Variants in RERGL observed in about 807,000 individuals in gnomAD.
The protein encoded by RERGL is ras-related and estrogen-regulated growth inhibitor-like protein.
Under a neutral mutation model 24.7 loss-of-function variants are expected in RERGL, and 22 were observed. The observed-to-expected ratio is 0.89, with a 90% CI of 0.64 to 1.27. The LOEUF (loss-of-function observed/expected upper bound fraction) is 1.27. RERGL is among the 50% of genes most tolerant of loss of function. The pLI is 0.00. For missense variants in RERGL, 259 were observed against 235.3 expected (o/e 1.10, Z -0.66); for synonymous variants, 76 against 82.6 (o/e 0.92, Z 0.43).
chr12:18,089,198 T>C (rs1219737890), intron 1 of RERGL: 3 of 1,582,604 alleles, frequency 1.9e-6, no homozygotes, highest in Admixed American at 3.5e-5. Flanking sequence ...ATGCAGTTAA[T>C]TCATTACCAC....
At chr12:18,086,075 G>A (rs1416927331) in intron 2 of RERGL, among the ~76,000 whole-genome samples, 5 of 140,102 alleles carry the variant, frequency 3.6e-5, no homozygotes, top group East Asian at 2.0e-4. Context: ...GGGTTTCACC[G>A]TGTTAGCCAG....
At chr12:18,089,017 A>T in intron 1 of RERGL, 61 bp from the exon 2 acceptor site, 1 of 1,387,288 alleles carries the variant, frequency 7.2e-7, no homozygotes, top group East Asian at 2.3e-5. Context: ...TAATTTGGTT[A>T]TGTGCATAAG....
At chr12:18,085,848 C>A (rs199682646) in intron 2 of RERGL, among the ~76,000 whole-genome samples, 155 bp from the exon 3 acceptor site, 1 of 118,606 alleles carries the variant, frequency 8.4e-6, no homozygotes, top group Non-Finnish European at 1.7e-5. Flanking sequence ...AGATATGTTT[C>A]TTTTTTTTTT....
intron 1 of RERGL, chr12:18,089,201 A>G: frequency 2.5e-6 from 4 of 1,588,232 alleles, no homozygotes; most frequent in Non-Finnish European, 3.4e-6. Flanking sequence ...CAGTTAATTC[A>G]TTACCACAAA....
intron 3 of RERGL, 110 bp from the exon 4 acceptor site, chr12:18,084,775 G>T: frequency 4.1e-6 from 3 of 736,022 alleles, no homozygotes; most frequent in African/African-American, 1.8e-5. Flanking sequence ...ACATCAATGT[G>T]TTAAATATTG....
intron 1 of RERGL, 130 bp downstream of exon 1, chr12:18,089,959 G>A: frequency 1.7e-6 from 1 of 603,812 alleles, no homozygotes; most frequent in Non-Finnish European, 2.5e-6. Flanking sequence ...TCATCCCAGT[G>A]AGATAATGTT....
chr12:18,081,503 G>C, intron 4 of RERGL, 30 bp from the exon 5 acceptor site: 3 of 1,332,506 alleles, frequency 2.3e-6, no homozygotes, highest in Non-Finnish European at 3.0e-6. Context: ...TTTTTAGCAA[G>C]ATTGTTTTAA....
In RERGL at chr12:18,080,942, A is replaced by G. The variant is rs1947164126; in HGVS notation, c.*249T>C. The G allele has an allele frequency of 3.3e-6, 1 of 300,684 alleles. No homozygotes were observed. The highest frequency in any genetic ancestry group is 5.3e-5 in the East Asian group (1 of 18,800). The allele number at this position is 300,684 out of a possible 1,614,324, so 18.6% of individuals were successfully genotyped here. ...AGGCAAACTGGGATCGCTGTCCGCC[A>G]GTAGGTTAGGGTGAGTGTGATGTTG... On this transcript the variant is annotated 3_prime_UTR_variant, in exon 5 of 5. Transcript: ENST00000538724.
chr12:18,089,279 G>T, intron 1 of RERGL: 1 of 1,605,088 alleles, frequency 6.2e-7, no homozygotes, highest in South Asian at 1.1e-5. Context: ...CAAGAAGTTT[G>T]ACATCTGTTT....
In RERGL at chr12:18,085,608, T is replaced by C. The variant is rs756925998; in HGVS notation, c.183+12A>G. 6.1e-6 allele frequency: 9 copies of C among 1,483,194 alleles called. No individual in the cohort carries two copies. The East Asian group carries it at 1.8e-4, about 30-fold the overall frequency. The allele number at this position is 1,483,194 out of a possible 1,614,324, so 91.9% of individuals were successfully genotyped here. On this transcript the variant is annotated intron_variant, in intron 3 of 4. Coordinates refer to ENST00000538724, the MANE Select transcript of RERGL (RefSeq NM_001286201.2). ...AAATAAATCAATAAAAAAGGTGTTT[T>C]GTTTTACTTACTTGAGAACAAGGGT... is the stretch of plus-strand genomic sequence containing the variant.
Position 18,090,174 on chromosome 12 carries a change from C to A in RERGL, c.-34G>T, listed in dbSNP as rs1424294782. The A allele has an allele frequency of 6.6e-7, 1 of 1,519,792 alleles. No individual in the cohort carries two copies. Among genetic ancestry groups the A allele is most frequent in the Non-Finnish European group, 8.8e-7 (1 of 1,138,916 alleles). The allele number at this position is 1,519,792 out of a possible 1,614,324, so 94.1% of individuals were successfully genotyped here. The stretch of plus-strand genomic sequence containing the variant: ...TCTGCTTCTTGGTCAGTCCTATTTT[C>A]TGGAACTACACTGCCCTGTGACAAG... On this transcript the variant is annotated 5_prime_UTR_variant, in exon 1 of 5. Coordinates refer to ENST00000538724, the MANE Select transcript of RERGL (RefSeq NM_001286201.2).
At position 18,081,396 on chromosome 12, in the gene RERGL, C is replaced by T; in HGVS notation, c.410G>A (p.Gly137Glu). The change falls in exon 5 of 5, where the codon GGG becomes GAG. Residue 137 changes from glycine (G) to glutamate (E), a missense_variant. Transcript: ENST00000538724. ...TCGGTTTTCCAGTGCCAGCTTTTGC[C>T]CTTCTTCCCAGCCAACCTCTCGCAC... ...CHVREVGWEE[G>E]QKLALENRCQ... The T allele has an allele frequency of 3.1e-6, 5 of 1,614,044 alleles. No homozygotes were observed. The highest frequency in any genetic ancestry group is 4.2e-6 in the Non-Finnish European group (5 of 1,180,004).
At chr12:18,082,028 T>C (rs1408539743) in intron 4 of RERGL, among the ~76,000 whole-genome samples, 2 of 151,720 alleles carry the variant, frequency 1.3e-5, no homozygotes, top group East Asian at 1.9e-4. Flanking sequence ...TAGTCCCAGC[T>C]ACTCAGGAGG....
At position 18,080,964 on chromosome 12, in the gene RERGL, G is replaced by A. The variant is rs1792023701; in HGVS notation, c.*227C>T. The A allele has an allele frequency of 2.5e-6, 1 of 393,734 alleles. No homozygotes were observed. Among genetic ancestry groups the A allele is most frequent in the Admixed American group, 3.9e-5 (1 of 25,918 alleles). The allele number at this position is 393,734 out of a possible 1,614,324, so 24.4% of individuals were successfully genotyped here. ...GCCAGTAGGTTAGGGTGAGTGTGAT[G>A]TTGTACAATAAATGAAAGGTTCTGT... On this transcript the variant is annotated 3_prime_UTR_variant, in exon 5 of 5. Coordinates refer to ENST00000538724, the MANE Select transcript of RERGL (RefSeq NM_001286201.2).
Position 18,089,016 on chromosome 12 carries a change from T to C in RERGL, c.53-60A>G. 3 of 1,395,520 alleles carry C rather than the reference T, an allele frequency of 2.1e-6. No individual in the cohort carries two copies. The Admixed American group carries it at 5.3e-5, about 24-fold the overall frequency. The allele number at this position is 1,395,520 out of a possible 1,614,324, so 86.4% of individuals were successfully genotyped here. On this transcript the variant is annotated intron_variant, in intron 1 of 4. Transcript: ENST00000538724. Reference sequence around the variant, plus strand: ...TATTTTAGGAAACAGCTAATTTGGTTATGTGCATAAGGCTTTAGTTCTTAA... The same window carrying C: ...TATTTTAGGAAACAGCTAATTTGGTCATGTGCATAAGGCTTTAGTTCTTAA...
At chr12:18,088,625 A>G (rs1227459347) in intron 2 of RERGL, among the ~76,000 whole-genome samples, 2 of 152,094 alleles carry the variant, frequency 1.3e-5, no homozygotes, top group African/African-American at 4.8e-5. Flanking sequence ...ATCTTCTACA[A>G]TATTTTGAAG....
At chr12:18,089,714 T>C (rs549068796) in intron 1 of RERGL, among the ~76,000 whole-genome samples, 1 of 152,234 alleles carries the variant, frequency 6.6e-6, no homozygotes, top group African/African-American at 2.4e-5. Flanking sequence ...AGATGAGTTC[T>C]ATCAAGGCCA....
At chr12:18,082,563 A>G (rs1201725370) in intron 4 of RERGL, among the ~76,000 whole-genome samples, 1 of 152,218 alleles carries the variant, frequency 6.6e-6, no homozygotes, top group African/African-American at 2.4e-5. Flanking sequence ...GATTGTATAC[A>G]TTAAATGATG....
intron 4 of RERGL, among the ~76,000 whole-genome samples, chr12:18,083,910 G>T (rs1947194976): frequency 6.6e-6 from 1 of 152,116 alleles, no homozygotes; most frequent in African/African-American, 2.4e-5. Context: ...AAACTCAGAT[G>T]CTTAAACTTT....
Sources: gnomAD v4.1 joint callset for allele counts (sites outside exome capture counted in the v4.1 genomes callset) on GRCh38, gnomAD v4.1.1 for gene constraint, MANE v1.5 for transcripts, NCBI Gene and HGNC (gene_info 2026-07-23, HGNC 2026-07-21) for gene names.